The following TMOD3 variants were observed in gnomAD, a reference collection of about 807,000 sequenced individuals.
TMOD3 encodes tropomodulin-3.
A neutral mutation model predicts 39.2 loss-of-function variants in TMOD3; 20 were observed. The observed-to-expected ratio is 0.51, with a 90% CI of 0.36 to 0.74. The LOEUF (loss-of-function observed/expected upper bound fraction) is 0.74, where lower values mean the gene tolerates loss of function less well. TMOD3 is among the 30% of genes least tolerant of loss of function. The pLI, the probability that TMOD3 is intolerant of heterozygous loss-of-function variation, is 0.00. For synonymous variants in TMOD3, 143 were observed against 145.8 expected (o/e 0.98, Z 0.14); for missense variants, 381 against 412.8 (o/e 0.92, Z 0.67).
At chr15:51,845,737 A>G (rs1378256775) in intron 1 of TMOD3, among the ~76,000 whole-genome samples, 2 of 151,884 alleles carry the variant, frequency 1.3e-5, no homozygotes, top group African/African-American at 4.8e-5. Flanking sequence ...ATAGTGGGAG[A>G]CTCTGTCTCA....
chr15:51,904,122 C>T (rs1239030640), intron 9 of TMOD3, among the ~76,000 whole-genome samples: 1 of 152,178 alleles, frequency 6.6e-6, no homozygotes, highest in African/African-American at 2.4e-5. Context: ...ACTCAGAAAC[C>T]CTGGCTTGTT....
In TMOD3 at chr15:51,855,398, C is replaced by G. The variant is rs147313250; in HGVS notation, c.-74-7413C>G. Among the ~76,000 whole-genome samples, 215 of 152,310 alleles carry G rather than the reference C, an allele frequency of 1.4e-3. 10 individuals are homozygous for G. The highest frequency in any genetic ancestry group is 9.8e-3 in the East Asian group (51 of 5,184). On this transcript the variant is annotated intron_variant, in intron 1 of 9. Transcript: ENST00000308580. ...GCCCACCAGGAGATTATGATGCACT[C>G]AAAAGCAGGAGAAACACTGCTGTAA... is the stretch of plus-strand genomic sequence containing the variant.
At position 51,859,418 on chromosome 15, in the gene TMOD3, G is replaced by T. The variant is rs964540484; in HGVS notation, c.-74-3393G>T. The T allele has an allele frequency of 1.5e-5, 10 of 673,868 alleles. No homozygotes were observed. The African/African-American group carries it at 1.6e-4, about 11-fold the overall frequency. The allele number at this position is 673,868 out of a possible 1,614,324, so 41.7% of individuals were successfully genotyped here. The stretch of plus-strand genomic sequence containing the variant: ...ATGTTCACCATCTTGCAGGATTCTT[G>T]CTGTTTTCAAACTGAATCATTTTCC... On this transcript the variant is annotated intron_variant, in intron 1 of 9. Transcript: ENST00000308580.
chr15:51,850,812 C>CT (rs1228403823), intron 1 of TMOD3, among the ~76,000 whole-genome samples: 3 of 152,156 alleles, frequency 2.0e-5, no homozygotes, highest in African/African-American at 7.2e-5. Flanking sequence ...TCTCGGCTCA[C>CT]TGTAACCTCT....
At chr15:51,861,200 G>C (rs2623271) in intron 1 of TMOD3, 194,630 of 471,370 alleles carry the variant, frequency 0.41, 41,270 homozygotes, top group Admixed American at 0.57. Flanking sequence ...TAATGATAGC[G>C]TTAATCTCTG....
At chr15:51,836,318 C>T (rs2056283137) in intron 1 of TMOD3, among the ~76,000 whole-genome samples, 1 of 152,132 alleles carries the variant, frequency 6.6e-6, no homozygotes, top group African/African-American at 2.4e-5. Flanking sequence ...CCCTGGTCTC[C>T]CCCACCCAGC....
Position 51,845,688 on chromosome 15 carries a change from T to A in TMOD3, c.-75+15852T>A, listed in dbSNP as rs2056332296. On this transcript the variant is annotated intron_variant, in intron 1 of 9. Coordinates refer to ENST00000308580, the MANE Select transcript of TMOD3 (RefSeq NM_014547.5). ...GGGAGAATCGCTTGAGCCCAGAAGG[T>A]CGAGGCTGCAGTGAGCTGTCATCAC... is the stretch of plus-strand genomic sequence containing the variant. Among the ~76,000 whole-genome samples, 4 of 152,114 alleles carry A rather than the reference T, an allele frequency of 2.6e-5. No homozygotes were observed. In the South Asian group the frequency reaches 8.3e-4, roughly 32 times the overall value.
At chr15:51,841,520 A>G (rs1355966044) in intron 1 of TMOD3, among the ~76,000 whole-genome samples, 3 of 152,166 alleles carry the variant, frequency 2.0e-5, no homozygotes, top group African/African-American at 4.8e-5. Flanking sequence ...GCCCCCTTCT[A>G]AAGAACCTAT....
rs749895567 is a variant in TMOD3, at chr15:51,887,617, T to C, written c.312T>C (p.Pro104=). ...KGKIFIPKQK[P]VQTFTEEKVS... ...AAATATTTATCCCCAAACAGAAACC[T>C]GTACAGACTTTTACAGAAGAAAAAG... is the stretch of plus-strand genomic sequence containing the variant. The change falls in exon 4 of 10, where the codon CCT becomes CCC. Residue 104 remains proline, a synonymous_variant. Coordinates refer to ENST00000308580, the MANE Select transcript of TMOD3 (RefSeq NM_014547.5). 6 of 1,613,626 alleles carry C rather than the reference T, an allele frequency of 3.7e-6. No individual in the cohort carries two copies. In the Admixed American group the frequency reaches 8.3e-5, roughly 22 times the overall value.
chr15:51,841,447 CT>C (rs1429092395), intron 1 of TMOD3, among the ~76,000 whole-genome samples: 1 of 152,106 alleles, frequency 6.6e-6, no homozygotes, highest in Admixed American at 6.5e-5. Flanking sequence ...GCATTATTTT[CT>C]TTTACTTGTA....
intron 1 of TMOD3, chr15:51,860,067 T>G: frequency 1.9e-6 from 1 of 520,454 alleles, no homozygotes; most frequent in Non-Finnish European, 3.8e-6. Flanking sequence ...CTGTCCTCCT[T>G]CTGGCCCTCC....
intron 1 of TMOD3, chr15:51,860,806 G>A (rs1261004376): frequency 2.8e-6 from 1 of 363,066 alleles, no homozygotes. Flanking sequence ...CCTGGTGGCA[G>A]GCGCCTGTGG....
intron 9 of TMOD3, chr15:51,907,286 A>G (rs1390369234): frequency 1.3e-5 from 2 of 152,216 alleles, no homozygotes; most frequent in Non-Finnish European, 2.9e-5. Context: ...ACAGACATTC[A>G]TGAAGCAATC....
At chr15:51,842,301 T>C (rs1595890276) in intron 1 of TMOD3, among the ~76,000 whole-genome samples, 1 of 152,206 alleles carries the variant, frequency 6.6e-6, no homozygotes, top group Non-Finnish European at 1.5e-5. Context: ...GCGAATACCC[T>C]AGCTCATGTC....
chr15:51,859,386 T>C, intron 1 of TMOD3: 1 of 688,812 alleles, frequency 1.5e-6, no homozygotes, highest in Non-Finnish European at 2.8e-6. Flanking sequence ...CTCATAATAT[T>C]CTCTTAATGT....
intron 5 of TMOD3, among the ~76,000 whole-genome samples, chr15:51,889,381 C>T (rs1371918928): frequency 6.6e-6 from 1 of 152,002 alleles, no homozygotes; most frequent in Non-Finnish European, 1.5e-5. Flanking sequence ...TAATGCTAAA[C>T]AGTATAAAAG....
intron 1 of TMOD3, among the ~76,000 whole-genome samples, chr15:51,840,937 G>A (rs988600134): frequency 2.0e-5 from 3 of 152,138 alleles, no homozygotes; most frequent in Non-Finnish European, 2.9e-5. Context: ...GTAGTGTCTA[G>A]TATCATAAAA....
intron 3 of TMOD3, among the ~76,000 whole-genome samples, chr15:51,874,615 G>C (rs1353857128): frequency 2.6e-5 from 4 of 152,288 alleles, no homozygotes; most frequent in Middle Eastern, 3.4e-3. Context: ...ATAAGGCATA[G>C]AACCTTGTCA....
rs542105188 is a variant in TMOD3 at position 51,909,608 on chromosome 15, A to T, written c.*798A>T. On this transcript the variant is annotated 3_prime_UTR_variant, in exon 10 of 10. Transcript: ENST00000308580. Reference sequence around the variant, plus strand: ...CACCACCTCCCTCCCCACCCCCCAAAAAAGGCGTACAGCCAACTCTTAGTT... The same window carrying T: ...CACCACCTCCCTCCCCACCCCCCAATAAAGGCGTACAGCCAACTCTTAGTT... 7.2e-5 allele frequency: 11 copies of T among 152,624 alleles called. No homozygotes were observed. The highest frequency in any genetic ancestry group is 1.6e-4 in the Non-Finnish European group (11 of 68,010). 9.5% of individuals were successfully genotyped at this position (152,624 alleles called of 1,614,324 possible). A position where few individuals can be genotyped will look rare whatever the true frequency, so the allele number is the denominator to read the frequency against.
Sources: allele counts gnomAD v4.1 joint callset (sites outside exome capture counted in the v4.1 genomes callset), GRCh38; gene constraint gnomAD v4.1.1; transcripts MANE v1.5; gene names NCBI Gene and HGNC (gene_info 2026-07-23, HGNC 2026-07-21).